Variants in BANP observed in about 807,000 individuals in gnomAD.
BANP encodes protein BANP.
A neutral mutation model predicts 68.1 loss-of-function variants in BANP; 11 were observed. The observed-to-expected ratio is 0.16, with a 90% CI of 0.10 to 0.27. The LOEUF is 0.27. Ranked by LOEUF, BANP falls within the 10% of genes least tolerant of loss-of-function variation. The pLI is 1.00. For synonymous variants in BANP, 329 were observed against 303.2 expected (o/e 1.09, Z -0.88); for missense variants, 504 against 722.7 (o/e 0.70, Z 3.47).
At chr16:87,991,745 T>G (rs1476920862) in intron 4 of BANP, among the ~76,000 whole-genome samples, 1 of 152,244 alleles carries the variant, frequency 6.6e-6, no homozygotes, top group African/African-American at 2.4e-5. Flanking sequence ...CTGACCTTTA[T>G]CCTGTGTCAT....
At chr16:87,991,249 C>T (rs2065840573) in intron 4 of BANP, among the ~76,000 whole-genome samples, 1 of 151,180 alleles carries the variant, frequency 6.6e-6, no homozygotes, top group African/African-American at 2.5e-5. Context: ...TACATACCTA[C>T]AACTTCGGGA....
chr16:87,987,011 A>G (rs768671910), intron 4 of BANP, among the ~76,000 whole-genome samples: 2 of 152,258 alleles, frequency 1.3e-5, no homozygotes, highest in Non-Finnish European at 2.9e-5. Flanking sequence ...ATAGTTTTAA[A>G]TAGGATAAAA....
intron 2 of BANP, among the ~76,000 whole-genome samples, chr16:87,978,849 G>A (rs1487121698): frequency 3.3e-5 from 5 of 152,206 alleles, no homozygotes; most frequent in East Asian, 3.8e-4. Context: ...CACAGCAAGC[G>A]TCAGGTGATC....
At position 88,004,506 on chromosome 16, in the gene BANP, C is replaced by G. The variant is rs983369237; in HGVS notation, c.479+95C>G. Reference sequence around the variant, plus strand: ...CCCTAAGCCAGGGCACAGTCCAGCACACGCTTCATCTCTGTGGTCACAGGG... The same window carrying G: ...CCCTAAGCCAGGGCACAGTCCAGCAGACGCTTCATCTCTGTGGTCACAGGG... On this transcript the variant is annotated intron_variant, in intron 5 of 13. Transcript: ENST00000682872. This position sits in a 1 kb window ranked among gnomAD's most constrained non-coding sequence, Gnocchi z 7.0. 7 of 699,790 alleles carry G rather than the reference C, an allele frequency of 1.0e-5. No individual in the cohort carries two copies. In the Admixed American group the frequency reaches 1.5e-4, roughly 15 times the overall value. 43.3% of individuals were successfully genotyped at this position (699,790 alleles called of 1,614,324 possible). A position where few individuals can be genotyped will look rare whatever the true frequency, so the allele number is the denominator to read the frequency against.
At chr16:88,046,315 G>C (rs2082014992) in intron 11 of BANP, among the ~76,000 whole-genome samples, 1 of 152,248 alleles carries the variant, frequency 6.6e-6, no homozygotes, top group Admixed American at 6.5e-5. Flanking sequence ...GTATCGTCTT[G>C]TGAAAATGAT....
chr16:88,062,325 C>T (rs1440314887), intron 11 of BANP, among the ~76,000 whole-genome samples: 1 of 152,224 alleles, frequency 6.6e-6, no homozygotes, highest in Non-Finnish European at 1.5e-5. Flanking sequence ...AGCAGTTTAG[C>T]ATGATCTCAG....
intron 13 of BANP, among the ~76,000 whole-genome samples, chr16:88,076,324 C>T (rs1479411130): frequency 1.3e-5 from 2 of 152,192 alleles, no homozygotes; most frequent in Non-Finnish European, 2.9e-5. Context: ...GCTGCGCCGG[C>T]CCCGGTGACG....
Position 88,003,136 on chromosome 16 carries a change from C to T in BANP, c.363-1159C>T, listed in dbSNP as rs553718296. Among the ~76,000 whole-genome samples the T allele has an allele frequency of 1.3e-5, 2 of 152,356 alleles. No homozygotes were observed. The highest frequency in any genetic ancestry group is 6.5e-5 in the Admixed American group (1 of 15,304). On this transcript the variant is annotated intron_variant, in intron 4 of 13. Transcript: ENST00000682872. The surrounding 1 kb of genome is among the most constrained non-coding windows in gnomAD (Gnocchi z 6.1). ...AAGCCACCTGGGTTACTTTCCATAC[C>T]TGACCTATAGGTCATTTGTCAGGTT...
At chr16:88,015,948 G>T (rs774412356) in intron 6 of BANP, among the ~76,000 whole-genome samples, 2 of 152,232 alleles carry the variant, frequency 1.3e-5, no homozygotes, top group African/African-American at 2.4e-5. Context: ...GTGTCACCCT[G>T]GCCTGCGCCC....
intron 11 of BANP, among the ~76,000 whole-genome samples, chr16:88,061,728 C>T (rs111476335): frequency 5.9e-5 from 9 of 151,630 alleles, no homozygotes; most frequent in Admixed American, 2.6e-4. Context: ...TGCAATGGCA[C>T]GATCTCGGCT....
At chr16:87,956,492 T>C in intron 1 of BANP, 1 of 152,264 alleles carries the variant, frequency 6.6e-6, no homozygotes, top group Admixed American at 6.5e-5. Context: ...GGGAGGAGTT[T>C]CAGGAAGTTG....
At chr16:87,962,239 CAA>C (rs10660621) in intron 1 of BANP, among the ~76,000 whole-genome samples, 7 of 79,752 alleles carry the variant, frequency 8.8e-5, no homozygotes, top group Non-Finnish European at 4.6e-5. Context: ...GACTTGGTCT[CAA>C]AAAAAAAAAA....
At chr16:88,031,690 A>T (rs1481251189) in intron 8 of BANP, among the ~76,000 whole-genome samples, 1 of 152,020 alleles carries the variant, frequency 6.6e-6, no homozygotes, top group Non-Finnish European at 1.5e-5. Flanking sequence ...TTGTTACTTT[A>T]AAAAATGTAT....
At chr16:87,949,506 G>T (rs1465599657), upstream of BANP, 1 of 152,186 alleles carries the variant, frequency 6.6e-6, no homozygotes, top group African/African-American at 2.4e-5. Context: ...TCTAAGCAAG[G>T]CGCTCTGGAC....
chr16:88,000,107 G>T (rs35432753), intron 4 of BANP, among the ~76,000 whole-genome samples: 2 of 12,878 alleles, frequency 1.6e-4, no homozygotes, highest in Non-Finnish European at 2.6e-4. Context: ...TACTTACCAG[G>T]CCTTCCAGAC....
chr16:88,055,832 A>T (rs566427128), intron 11 of BANP, among the ~76,000 whole-genome samples: 59 of 152,322 alleles, frequency 3.9e-4, no homozygotes, highest in Non-Finnish European at 6.3e-4. Context: ...ACATGCCAAA[A>T]CACAAGCAGA....
Position 88,071,842 on chromosome 16 carries a change from G to C in BANP, c.1378-227G>C, listed in dbSNP as rs1369109911. On this transcript the variant is annotated intron_variant, in intron 12 of 13. Transcript: ENST00000682872. This position sits in a 1 kb window ranked among gnomAD's most constrained non-coding sequence, Gnocchi z 6.5. ...GTAGGTGCTTGAGGGCGGAGTTGCA[G>C]ATCCAGCAGAGACTCGATGGCACTC... 1 of 705,224 alleles carries C rather than the reference G, an allele frequency of 1.4e-6. No homozygotes were observed. Among genetic ancestry groups the C allele is most frequent in the Non-Finnish European group, 2.6e-6 (1 of 389,630 alleles). The allele number at this position is 705,224 out of a possible 1,614,324, so 43.7% of individuals were successfully genotyped here.
chr16:88,038,624 T>C (rs1410055733), intron 11 of BANP, among the ~76,000 whole-genome samples: 1 of 152,176 alleles, frequency 6.6e-6, no homozygotes, highest in East Asian at 1.9e-4. Context: ...TTCTAATCCT[T>C]GATGAAAAGA....
At chr16:87,956,050 C>A (rs57315861) in intron 1 of BANP, among the ~76,000 whole-genome samples, 1 of 151,952 alleles carries the variant, frequency 6.6e-6, no homozygotes, top group Non-Finnish European at 1.5e-5. Context: ...GGGCTCCAGG[C>A]ACAGGTGCTG....
Sources: allele counts gnomAD v4.1 joint callset (sites outside exome capture counted in the v4.1 genomes callset), GRCh38; gene constraint gnomAD v4.1.1; non-coding constraint Gnocchi (gnomAD v3.1); transcripts MANE v1.5; gene names NCBI Gene and HGNC (gene_info 2026-07-23, HGNC 2026-07-21).